Variants in SMOX observed in about 807,000 individuals in gnomAD.
The protein encoded by SMOX is spermine oxidase, also known as flavin containing amine oxidase.
Under a neutral mutation model 51.0 loss-of-function variants are expected in SMOX, and 22 were observed. The observed-to-expected ratio is 0.43, with a 90% confidence interval of 0.31 to 0.62. The LOEUF (loss-of-function observed/expected upper bound fraction) is 0.62. Among genes scored for constraint, SMOX ranks in the 20% least tolerant of loss-of-function variants. SMOX has a pLI of 0.10. For missense variants in SMOX, 566 were observed against 777.7 expected, an observed-to-expected ratio of 0.73 and a Z score of 3.24; for synonymous variants, 282 against 307.8, an observed-to-expected ratio of 0.92 and a Z score of 0.88.
intron 1 of SMOX, among the ~76,000 whole-genome samples, chr20:4,154,057 G>C (rs1985887511): frequency 6.6e-6 from 1 of 152,178 alleles, no homozygotes; most frequent in South Asian, 2.1e-4. Context: ...GCTTTGGGAG[G>C]GTTCTGAAAT....
At chr20:4,154,918 G>A (rs1483473510) in intron 1 of SMOX, among the ~76,000 whole-genome samples, 1 of 152,048 alleles carries the variant, frequency 6.6e-6, no homozygotes, top group East Asian at 1.9e-4. Flanking sequence ...TGAGATGCAG[G>A]GGCCACTCTG....
At chr20:4,159,888 T>C (rs1986225050) in intron 1 of SMOX, among the ~76,000 whole-genome samples, 1 of 152,204 alleles carries the variant, frequency 6.6e-6, no homozygotes, top group Admixed American at 6.5e-5. Flanking sequence ...TTGAATTCTA[T>C]GGAAAGTGCT....
chr20:4,150,788 C>T (rs1179816254), intron 1 of SMOX, among the ~76,000 whole-genome samples: 1 of 151,464 alleles, frequency 6.6e-6, no homozygotes, highest in African/African-American at 2.4e-5. Flanking sequence ...ACTCCCCAGG[C>T]CTTCCCATCT....
chr20:4,182,718 C>T lies in SMOX; in HGVS notation c.1239C>T (p.Val413=), dbSNP rs746968275. Residue 413 remains valine, a synonymous_variant, in exon 5 of 7, where the codon GTC becomes GTT. Coordinates refer to ENST00000305958, the MANE Select transcript of SMOX (RefSeq NM_175839.3). This position sits in a 1 kb window ranked among gnomAD's most constrained non-coding sequence, Gnocchi z 8.4. ...LWYRKICGFD[V]LYPPERYGHV... ...ACCGCAAGATCTGCGGCTTTGATGT[C>T]CTCTACCCGCCTGAGCGCTACGGCC... The T allele has an allele frequency of 6.8e-6, 11 of 1,614,194 alleles. No individual in the cohort carries two copies. The East Asian group carries it at 2.5e-4, about 36-fold the overall frequency.
Position 4,153,573 on chromosome 20 carries a change from G to A in SMOX, c.-27+4596G>A, listed in dbSNP as rs977528256. Among the ~76,000 whole-genome samples, 2 of 152,178 alleles carry A rather than the reference G, an allele frequency of 1.3e-5. No individual in the cohort carries two copies. Among genetic ancestry groups the A allele is most frequent in the Non-Finnish European group, 2.9e-5 (2 of 68,030 alleles). ...TGAGGAACGGTTTGCTGACCACACA[G>A]GGATGGGGTCTGTTTTCTCTGAATT... is the stretch of plus-strand genomic sequence containing the variant. On this transcript the variant is annotated intron_variant, in intron 1 of 6. Coordinates refer to ENST00000305958, the MANE Select transcript of SMOX (RefSeq NM_175839.3). This position sits in a 1 kb window ranked among gnomAD's most constrained non-coding sequence, Gnocchi z 4.4.
chr20:4,149,599 G>A lies in SMOX; in HGVS notation c.-27+622G>A, dbSNP rs1985627614. Among the ~76,000 whole-genome samples, 1 of 152,182 alleles carries A rather than the reference G, an allele frequency of 6.6e-6. No individual in the cohort carries two copies. The highest frequency in any genetic ancestry group is 1.5e-5 in the Non-Finnish European group (1 of 68,020). On this transcript the variant is annotated intron_variant, in intron 1 of 6. Transcript: ENST00000305958. This position sits in a 1 kb window ranked among gnomAD's most constrained non-coding sequence, Gnocchi z 6.0. Reference sequence around the variant, plus strand: ...GGTTGTCCCGGGCTTGGCGGGAGCCGGGCTCGCAAAGGGTTCGGGTGTGTT... The same window carrying A: ...GGTTGTCCCGGGCTTGGCGGGAGCCAGGCTCGCAAAGGGTTCGGGTGTGTT...
At position 4,182,323 on chromosome 20, in the gene SMOX, G is replaced by A. The variant is rs896377132; in HGVS notation, c.844G>A (p.Gly282Ser). 3 of 1,597,170 alleles carry A rather than the reference G, an allele frequency of 1.9e-6. No individual in the cohort carries two copies. The highest frequency in any genetic ancestry group is 1.3e-5 in the African/African-American group (1 of 74,598). The change falls in exon 5 of 7, where the codon GGT becomes AGT. Residue 282 changes from glycine to serine, a missense_variant. Gly to Ser is a moderately conservative substitution (Grantham distance 56). Coordinates refer to ENST00000305958, the MANE Select transcript of SMOX (RefSeq NM_175839.3). This position sits in a 1 kb window ranked among gnomAD's most constrained non-coding sequence, Gnocchi z 8.4. ...RPRGPEIEPRGEGDHNHDTGE... is the reference protein window; with the variant it reads ...RPRGPEIEPRSEGDHNHDTGE... Reference sequence around the variant, plus strand: ...CAGAGGCCCTGAGATTGAGCCCCGGGGTGAGGGCGACCACAATCACGACAC... The same window carrying A: ...CAGAGGCCCTGAGATTGAGCCCCGGAGTGAGGGCGACCACAATCACGACAC...
intron 3 of SMOX, among the ~76,000 whole-genome samples, chr20:4,180,683 C>G (rs968874194): frequency 1.3e-5 from 2 of 152,204 alleles, no homozygotes; most frequent in Admixed American, 1.3e-4. Flanking sequence ...TTGCTGCCCC[C>G]TCCAGCAAAA....
At chr20:4,174,601 A>G (rs1465320574) in intron 1 of SMOX, among the ~76,000 whole-genome samples, 1 of 152,068 alleles carries the variant, frequency 6.6e-6, no homozygotes, top group Non-Finnish European at 1.5e-5. Flanking sequence ...GTCTCTCCTG[A>G]CTGTGGCCTT....
chr20:4,149,579 TC>T lies in SMOX; in HGVS notation c.-27+605del, dbSNP rs1045319060. Among the ~76,000 whole-genome samples the T allele has an allele frequency of 1.3e-5, 2 of 152,064 alleles. No homozygotes were observed. The highest frequency in any genetic ancestry group is 2.9e-5 in the Non-Finnish European group (2 of 67,980). ...GGGCCAACTAGGGGCTCACGGGTTGTCCCGGGCTTGGCGGGAGCCGGGCTCG... is the reference window on the plus strand; with the variant it reads ...GGGCCAACTAGGGGCTCACGGGTTGTCCGGGCTTGGCGGGAGCCGGGCTCG... On this transcript the variant is annotated intron_variant, in intron 1 of 6. Transcript: ENST00000305958. The surrounding 1 kb of genome is among the most constrained non-coding windows in gnomAD (Gnocchi z 6.0).
rs1741292 is a variant in SMOX, at chr20:4,149,310, A to G, written c.-27+333A>G. ...AGAGGGCCGGACGGACCCCCGGGCT[A>G]CGTGCGGGAGGGGAGCGTCCCGGGC... On this transcript the variant is annotated intron_variant, in intron 1 of 6. Coordinates refer to ENST00000305958, the MANE Select transcript of SMOX (RefSeq NM_175839.3). The surrounding 1 kb of genome is among the most constrained non-coding windows in gnomAD (Gnocchi z 6.0). Among the ~76,000 whole-genome samples, 150,968 of 151,302 alleles carry G rather than the reference A, an allele frequency of 1. 75,317 individuals are homozygous for G. The highest frequency in any genetic ancestry group is 1 in the East Asian group (5,040 of 5,040).
In SMOX at chr20:4,153,418, G is replaced by A. The variant is rs943510832; in HGVS notation, c.-27+4441G>A. ...AAGGAGGAAAGGCTTCCCCTGGGAT[G>A]CCAGGCTGAGGAACTGGGCCAGGAA... On this transcript the variant is annotated intron_variant, in intron 1 of 6. Coordinates refer to ENST00000305958, the MANE Select transcript of SMOX (RefSeq NM_175839.3). The surrounding 1 kb of genome is among the most constrained non-coding windows in gnomAD (Gnocchi z 4.4). Among the ~76,000 whole-genome samples, 1 of 152,176 alleles carries A rather than the reference G, an allele frequency of 6.6e-6. No homozygotes were observed. Among genetic ancestry groups the A allele is most frequent in the South Asian group, 2.1e-4 (1 of 4,830 alleles).
Position 4,182,794 on chromosome 20 carries a change from T to G in SMOX, c.1315T>G (p.Cys439Gly). 6.7e-7 allele frequency: 1 copy of G among 1,495,956 alleles called. No homozygotes were observed. Among genetic ancestry groups the G allele is most frequent in the Non-Finnish European group, 9.0e-7 (1 of 1,115,000 alleles). The allele number at this position is 1,495,956 out of a possible 1,614,324, so 92.7% of individuals were successfully genotyped here. ...CGEEALVMEK[C>G]DDEAVAEICT... ...GGAGGAGGCCCTCGTCATGGAGAAGTGTGATGACGAGGCAGTGGCCGAGAT... is the reference window on the plus strand; with the variant it reads ...GGAGGAGGCCCTCGTCATGGAGAAGGGTGATGACGAGGCAGTGGCCGAGAT... Residue 439 changes from cysteine to glycine, a missense_variant, in exon 5 of 7, where the codon TGT becomes GGT. Transcript: ENST00000305958. The surrounding 1 kb of genome is among the most constrained non-coding windows in gnomAD (Gnocchi z 8.4).
At chr20:4,186,569 C>T (rs1245746603) in intron 6 of SMOX, among the ~76,000 whole-genome samples, 4 of 152,186 alleles carry the variant, frequency 2.6e-5, no homozygotes, top group Admixed American at 6.5e-5. Context: ...TTTGCCTGTC[C>T]GTTCACTCAG....
At chr20:4,165,864 G>A (rs1986549578) in intron 1 of SMOX, among the ~76,000 whole-genome samples, 1 of 152,178 alleles carries the variant, frequency 6.6e-6, no homozygotes, top group South Asian at 2.1e-4. Flanking sequence ...TGGTTGCTGA[G>A]GGGGCATGGA....
intron 1 of SMOX, among the ~76,000 whole-genome samples, chr20:4,160,986 C>CGAGGG (rs1482586495): frequency 6.6e-6 from 1 of 152,200 alleles, no homozygotes; most frequent in Non-Finnish European, 1.5e-5. Context: ...TGCAGAGTCA[C>CGAGGG]GAGGGGCCGC....
chr20:4,174,358 G>A (rs1026380514), intron 1 of SMOX, among the ~76,000 whole-genome samples: 6 of 152,008 alleles, frequency 3.9e-5, no homozygotes, highest in Non-Finnish European at 7.3e-5. Context: ...TGAATATCTT[G>A]GGGTCCATGC....
intron 6 of SMOX, among the ~76,000 whole-genome samples, chr20:4,184,142 T>G (rs955443957): frequency 4.0e-5 from 6 of 150,802 alleles, no homozygotes; most frequent in African/African-American, 1.5e-4. Flanking sequence ...CACGCCACCA[T>G]GTCCAGCTAA....
chr20:4,182,782 G>T lies in SMOX; in HGVS notation c.1303G>T (p.Val435Phe). The T allele has an allele frequency of 6.2e-7, 1 of 1,613,666 alleles. No homozygotes were observed. The highest frequency in any genetic ancestry group is 8.5e-7 in the Non-Finnish European group (1 of 1,180,024). The change falls in exon 5 of 7, where the codon GTC (valine) becomes TTC (phenylalanine). Residue 435 changes from valine (V) to phenylalanine (F), a missense_variant. By Grantham distance (50) the Val-to-Phe change is conservative. Transcript: ENST00000305958. The surrounding 1 kb of genome is among the most constrained non-coding windows in gnomAD (Gnocchi z 8.4). ...SGWICGEEAL[V>F]MEKCDDEAVA... is the part of the protein sequence containing the mutation. ...CTGGATCTGCGGGGAGGAGGCCCTCGTCATGGAGAAGTGTGATGACGAGGC... is the reference window on the plus strand; with the variant it reads ...CTGGATCTGCGGGGAGGAGGCCCTCTTCATGGAGAAGTGTGATGACGAGGC...
Sources: gnomAD v4.1 joint callset for allele counts (sites outside exome capture counted in the v4.1 genomes callset) on GRCh38, gnomAD v4.1.1 for gene constraint, Gnocchi (gnomAD v3.1) non-coding constraint, MANE v1.5 for transcripts, NCBI Gene and HGNC (gene_info 2026-07-23, HGNC 2026-07-21) for gene names.